Variants in PTPRD observed in about 807,000 individuals in gnomAD.
The protein encoded by PTPRD is protein tyrosine phosphatase receptor type D, also known as receptor-type tyrosine-protein phosphatase delta.
A neutral mutation model predicts 214.5 loss-of-function variants in PTPRD; 34 were observed. That is an observed-to-expected ratio of 0.16 (90% CI 0.12 to 0.21). The LOEUF (loss-of-function observed/expected upper bound fraction) is 0.21, where lower values mean the gene tolerates loss of function less well. Ranked by LOEUF, PTPRD falls within the 10% of genes least tolerant of loss-of-function variation. The probability of loss-of-function intolerance (pLI) is 1.00; values close to 1 mark genes in which losing one functional copy is unlikely to be tolerated. For synonymous variants in PTPRD, 1,128 were observed against 845.7 expected (o/e 1.33, Z -5.79); for missense variants, 2,545 against 2,398.7 (o/e 1.06, Z -1.27).
In PTPRD at chr9:8,791,304, C is replaced by A. The variant is rs896220611; in HGVS notation, c.-103-57358G>T. On this transcript the variant is annotated intron_variant, in intron 11 of 45. Coordinates refer to ENST00000381196, the MANE Select transcript of PTPRD (RefSeq NM_002839.4). ...GCAGTGGCGTGATCTCCGCTCACTG[C>A]AAACTCCGCCTCCCAGGTTCAAGTG... 4.6e-5 allele frequency among the ~76,000 whole-genome samples: 7 copies of A among 152,112 alleles called. No homozygotes were observed. The South Asian group carries it at 1.0e-3, about 23-fold the overall frequency.
intron 17 of PTPRD, 57 bp downstream of exon 17, chr9:8,526,570 G>A: frequency 6.9e-7 from 1 of 1,449,438 alleles, no homozygotes; most frequent in Non-Finnish European, 9.3e-7. Flanking sequence ...TGAGAGGGAT[G>A]AAAGGACAGA....
intron 7 of PTPRD, among the ~76,000 whole-genome samples, chr9:9,683,188 GAC>G (rs2097106476): frequency 6.6e-6 from 1 of 151,734 alleles, no homozygotes; most frequent in Non-Finnish European, 1.5e-5. Context: ...CTGAAATTAT[GAC>G]AGTTATATTC....
At chr9:9,400,895 CAT>C (rs1007928426) in intron 8 of PTPRD, among the ~76,000 whole-genome samples, 6 of 152,044 alleles carry the variant, frequency 3.9e-5, no homozygotes, top group Non-Finnish European at 5.9e-5. Context: ...TCCACTTCTC[CAT>C]ATTCGACCAT....
At position 8,528,636 on chromosome 9, in the gene PTPRD, C is replaced by G. The variant is rs1332170873; in HGVS notation, c.496G>C (p.Val166Leu). 9 of 1,613,652 alleles carry G rather than the reference C, an allele frequency of 5.6e-6. No homozygotes were observed. Among genetic ancestry groups the G allele is most frequent in the Non-Finnish European group, 7.6e-6 (9 of 1,179,724 alleles). Residue 166 changes from valine (V) to leucine (L), a missense_variant, in exon 15 of 46, where the codon GTG becomes CTG. Val to Leu is a conservative substitution (Grantham distance 32). Transcript: ENST00000381196. ...CGACCATTGTTGTTGCTTGTGTCCA[C>G]AGGTAAGAAATCTTTAAACCAAGTG... ...EITWFKDFLP[V>L]DTSNNNGRIK... is the part of the protein sequence containing the mutation.
At chr9:8,991,827 G>T (rs2099368522) in intron 11 of PTPRD, among the ~76,000 whole-genome samples, 1 of 152,038 alleles carries the variant, frequency 6.6e-6, no homozygotes, top group Non-Finnish European at 1.5e-5. Flanking sequence ...TCTTAATTCA[G>T]AGAAATGCTA....
chr9:9,120,947 C>T (rs890330949), intron 10 of PTPRD, among the ~76,000 whole-genome samples: 9 of 152,284 alleles, frequency 5.9e-5, no homozygotes, highest in African/African-American at 1.9e-4. Flanking sequence ...CTAAGCAATA[C>T]ACTAATCACT....
At chr9:10,205,863 G>A (rs990572753) in intron 3 of PTPRD, among the ~76,000 whole-genome samples, 2 of 151,954 alleles carry the variant, frequency 1.3e-5, no homozygotes, top group Non-Finnish European at 2.9e-5. Flanking sequence ...ATTCACTTTG[G>A]GTTCAATTTT....
At chr9:8,722,160 T>TGTGTGTGTGTGTGTGC (rs1015268099) in intron 12 of PTPRD, among the ~76,000 whole-genome samples, 10 of 146,306 alleles carry the variant, frequency 6.8e-5, no homozygotes, top group African/African-American at 2.7e-4. Flanking sequence ...TGTGTGTGTG[T>TGTGTGTGTGTGTGTGC]GTGTGTACAG....
At chr9:10,333,447 G>T (rs12003492) in intron 3 of PTPRD, among the ~76,000 whole-genome samples, 3 of 151,718 alleles carry the variant, frequency 2.0e-5, no homozygotes, top group African/African-American at 4.8e-5. Context: ...CAATTTCAGC[G>T]ATTTAATGAT....
intron 2 of PTPRD, among the ~76,000 whole-genome samples, chr9:10,520,864 T>C (rs1212802360): frequency 6.6e-6 from 1 of 151,816 alleles, no homozygotes; most frequent in Non-Finnish European, 1.5e-5. Context: ...AAACCCACTG[T>C]TGAGACCACC....
chr9:9,739,021 A>C (rs895125902), intron 6 of PTPRD, among the ~76,000 whole-genome samples: 1 of 152,236 alleles, frequency 6.6e-6, no homozygotes, highest in Non-Finnish European at 1.5e-5. Flanking sequence ...ACCTCAATAA[A>C]AAATCATATA....
chr9:8,407,784 T>G (rs2093144531), intron 35 of PTPRD, among the ~76,000 whole-genome samples: 1 of 152,220 alleles, frequency 6.6e-6, no homozygotes, highest in Non-Finnish European at 1.5e-5. Context: ...TAAATAATGC[T>G]GACTTGTCTT....
rs565009449 is a variant in PTPRD, at chr9:10,612,217, A to G, written c.-600+181T>C. Among the ~76,000 whole-genome samples the G allele has an allele frequency of 9.8e-3, 1,481 of 150,706 alleles. 18 individuals are homozygous for G. Among genetic ancestry groups the G allele is most frequent in the African/African-American group, 0.026 (1,066 of 41,272 alleles). ...CTTCTAAGGGCTCTTCCAAAAAAAAAAAAAAAAGAAAAAAATGCTTAGCGA... is the reference window on the plus strand; with the variant it reads ...CTTCTAAGGGCTCTTCCAAAAAAAAGAAAAAAAGAAAAAAATGCTTAGCGA... On this transcript the variant is annotated intron_variant, in intron 2 of 45. Coordinates refer to ENST00000381196, the MANE Select transcript of PTPRD (RefSeq NM_002839.4).
At chr9:9,678,470 A>G (rs938191049) in intron 7 of PTPRD, among the ~76,000 whole-genome samples, 3 of 152,090 alleles carry the variant, frequency 2.0e-5, no homozygotes, top group African/African-American at 4.8e-5. Context: ...AAATGGGGAA[A>G]CGATTCCCAG....
intron 4 of PTPRD, among the ~76,000 whole-genome samples, chr9:9,940,285 C>T (rs962929025): frequency 3.3e-5 from 5 of 152,032 alleles, no homozygotes; most frequent in South Asian, 4.1e-4. Flanking sequence ...GGATAAACCC[C>T]GCTCATCTTC....
chr9:10,377,983 A>G (rs2097761360), intron 2 of PTPRD, among the ~76,000 whole-genome samples: 1 of 152,080 alleles, frequency 6.6e-6, no homozygotes, highest in African/African-American at 2.4e-5. Flanking sequence ...AGGACCCTCC[A>G]AATTGTTCTC....
At position 8,411,283 on chromosome 9, in the gene PTPRD, T is replaced by A. The variant is rs184801537; in HGVS notation, c.4087-6623A>T. Among the ~76,000 whole-genome samples the A allele has an allele frequency of 8.8e-4, 133 of 151,866 alleles. 5 individuals are homozygous for A. The East Asian group carries it at 0.018, about 20-fold the overall frequency. Reference sequence around the variant, plus strand: ...CTAGATTTTTTACTATATACTTTTTTAAAATTTTTTATTTATCTTTTATTT... The same window carrying A: ...CTAGATTTTTTACTATATACTTTTTAAAAATTTTTTATTTATCTTTTATTT... On this transcript the variant is annotated intron_variant, in intron 35 of 45. Transcript: ENST00000381196.
intron 4 of PTPRD, among the ~76,000 whole-genome samples, chr9:9,961,627 G>T (rs1056119800): frequency 1.2e-4 from 18 of 152,104 alleles, no homozygotes; most frequent in African/African-American, 4.3e-4. Flanking sequence ...ACTGCCAGCA[G>T]AGTGTGGGAA....
intron 8 of PTPRD, among the ~76,000 whole-genome samples, chr9:9,559,331 T>A (rs372193776): frequency 2.6e-5 from 4 of 152,352 alleles, no homozygotes; most frequent in Non-Finnish European, 4.4e-5. Context: ...CCCATCCCGC[T>A]ATTACTAACT....
Sources: allele counts gnomAD v4.1 joint callset (sites outside exome capture counted in the v4.1 genomes callset), GRCh38; gene constraint gnomAD v4.1.1; transcripts MANE v1.5; gene names NCBI Gene and HGNC (gene_info 2026-07-23, HGNC 2026-07-21).